Variants in PHKA2 observed in about 807,000 individuals in gnomAD.
PHKA2 encodes phosphorylase kinase regulatory subunit alpha 2, also known as phosphorylase b kinase regulatory subunit alpha, liver isoform.
Under a neutral mutation model 102.0 loss-of-function variants are expected in PHKA2, and 31 were observed. That is an observed-to-expected ratio of 0.30 (90% CI 0.23 to 0.41). The LOEUF is 0.41. PHKA2 is among the 10% of genes least tolerant of loss of function. The pLI, the probability that PHKA2 is intolerant of heterozygous loss-of-function variation, is 1.00. For synonymous variants in PHKA2, 455 were observed against 416.2 expected, an observed-to-expected ratio of 1.09 and a Z score of -1.13; for missense variants, 858 against 1,023.1, an observed-to-expected ratio of 0.84 and a Z score of 2.20.
intron 21 of PHKA2, among the ~76,000 whole-genome samples, chrX:18,908,482 G>C (rs925800097): frequency 1.8e-5 from 2 of 112,448 alleles, no homozygotes; most frequent in African/African-American, 6.5e-5. Flanking sequence ...CAATTCCTAT[G>C]TTGAAATCTT....
intron 1 of PHKA2, among the ~76,000 whole-genome samples, chrX:18,974,991 T>C (rs2049066081): frequency 9.0e-6 from 1 of 110,971 alleles, no homozygotes; most frequent in Non-Finnish European, 1.9e-5. Flanking sequence ...TGTCTGTACT[T>C]GTTCCTGTGA....
chrX:18,907,108 A>G lies in PHKA2; in HGVS notation c.2518-11T>C. 1 of 1,159,015 alleles carries G rather than the reference A, an allele frequency of 8.6e-7. No homozygotes were observed. The highest frequency in any genetic ancestry group is 1.9e-5 in the South Asian group (1 of 53,015). Reference sequence around the variant, plus strand: ...CAGGTCTGTGCAGGCCTGCGCAGTTAAGGGGAAGGGTGAGAGGCAGAGCGC... The same window carrying G: ...CAGGTCTGTGCAGGCCTGCGCAGTTGAGGGGAAGGGTGAGAGGCAGAGCGC... On this transcript the variant is annotated splice_polypyrimidine_tract_variant and intron_variant, in intron 22 of 32. Coordinates refer to ENST00000379942, the MANE Select transcript of PHKA2 (RefSeq NM_000292.3).
At chrX:18,906,887 C>A in intron 23 of PHKA2, 73 bp from the exon 24 acceptor site, 1 of 1,033,170 alleles carries the variant, frequency 9.7e-7, no homozygotes, top group Non-Finnish European at 1.4e-6. Context: ...CCATGGAACA[C>A]CCTTATTTTC....
Position 18,936,157 on chromosome X carries a change from A to G in PHKA2, c.1042-7T>C, listed in dbSNP as rs1263035422. 1 of 1,139,234 alleles carries G rather than the reference A, an allele frequency of 8.8e-7. No individual in the cohort carries two copies. Among genetic ancestry groups the G allele is most frequent in the Non-Finnish European group, 1.2e-6 (1 of 832,736 alleles). 93.9% of individuals were successfully genotyped at this position (1,139,234 alleles called of 1,213,427 possible). A position where few individuals can be genotyped will look rare whatever the true frequency, so the allele number is the denominator to read the frequency against. Reference sequence around the variant, plus strand: ...CCTCTCGGTATTCTTGGACCTGGAAAACAGCCCCATCATCCATGGCAGGAA... The same window carrying G: ...CCTCTCGGTATTCTTGGACCTGGAAGACAGCCCCATCATCCATGGCAGGAA... On this transcript the variant is annotated splice_region_variant and splice_polypyrimidine_tract_variant and intron_variant, in intron 10 of 32. Coordinates refer to ENST00000379942, the MANE Select transcript of PHKA2 (RefSeq NM_000292.3).
chrX:18,965,223 C>G (rs2048921947), intron 1 of PHKA2, among the ~76,000 whole-genome samples: 1 of 111,534 alleles, frequency 9.0e-6, no homozygotes, highest in Non-Finnish European at 1.9e-5. Context: ...AATTCTTTGC[C>G]TCTCTCACTA....
chrX:18,939,919 C>T (rs2048462966), intron 9 of PHKA2, 76 bp downstream of exon 9: 11 of 703,254 alleles, frequency 1.6e-5, no homozygotes, highest in Non-Finnish European at 2.5e-5. Flanking sequence ...TTATAATCAG[C>T]AGAGGGAGAA....
intron 1 of PHKA2, among the ~76,000 whole-genome samples, chrX:18,974,171 A>G (rs1037662408): frequency 7.3e-5 from 8 of 110,254 alleles, no homozygotes; most frequent in Non-Finnish European, 1.1e-4. Context: ...TGTCTACTAG[A>G]TCATTTCCAC....
At chrX:18,924,643 C>T (rs983316558) in intron 15 of PHKA2, 118 bp from the exon 16 acceptor site, 2 of 680,557 alleles carry the variant, frequency 2.9e-6, no homozygotes, top group Non-Finnish European at 4.7e-6. Flanking sequence ...GCTCAGTACT[C>T]GTTTCAATCC....
At chrX:18,968,853 C>T (rs1601798622) in intron 1 of PHKA2, among the ~76,000 whole-genome samples, 1 of 112,535 alleles carries the variant, frequency 8.9e-6, no homozygotes, top group East Asian at 2.8e-4. Context: ...CAATGGCTCA[C>T]GCCTGTAATC....
chrX:18,912,377 AG>A (rs2047941173), intron 19 of PHKA2, among the ~76,000 whole-genome samples: 1 of 112,004 alleles, frequency 8.9e-6, no homozygotes, highest in Admixed American at 9.5e-5. Context: ...TATTGCTCCT[AG>A]GCTACAAACC....
chrX:18,929,038 G>T (rs916291620), intron 13 of PHKA2, among the ~76,000 whole-genome samples, 190 bp downstream of exon 13: 18 of 112,779 alleles, frequency 1.6e-4, no homozygotes, highest in Non-Finnish European at 1.9e-5. Flanking sequence ...AAGTCATTTT[G>T]TGGTTGGGAA....
At chrX:18,966,923 G>A in intron 1 of PHKA2, among the ~76,000 whole-genome samples, 1 of 111,731 alleles carries the variant, frequency 9.0e-6, no homozygotes, top group Non-Finnish European at 1.9e-5. Context: ...GCAGGAGGAG[G>A]GACGGCGAGG....
Position 18,899,167 on chromosome X carries a change from T to C in PHKA2, c.3111+6A>G. 8.3e-7 allele frequency: 1 copy of C among 1,205,146 alleles called. No homozygotes were observed. Among genetic ancestry groups the C allele is most frequent in the Non-Finnish European group, 1.1e-6 (1 of 889,483 alleles). ...GACGGACACAATAATCCCGAGGCAC[T>C]GTTACCGCAGACTTGGAGGAATGCG... On this transcript the variant is annotated splice_donor_region_variant and intron_variant, in intron 29 of 32. Transcript: ENST00000379942.
chrX:18,896,310 A>G (rs905040201), intron 30 of PHKA2: 4 of 111,821 alleles, frequency 3.6e-5, no homozygotes, highest in Admixed American at 2.8e-4. Flanking sequence ...GAAGGGAGAC[A>G]CTGGGGGGGT....
In PHKA2 at chrX:18,907,002, A is replaced by C; in HGVS notation, c.2597+16T>G. 8.4e-7 allele frequency: 1 copy of C among 1,184,289 alleles called. No homozygotes were observed. The highest frequency in any genetic ancestry group is 3.0e-5 in the East Asian group (1 of 33,053). On this transcript the variant is annotated intron_variant, in intron 23 of 32. Transcript: ENST00000379942. The stretch of plus-strand genomic sequence containing the variant: ...GCTCCCCCGCAAACCTGAGGTCCCC[A>C]AGGCTGAGGACTTACGCAGAGATGA...
chrX:18,911,393 G>A (rs2047924313), intron 19 of PHKA2, among the ~76,000 whole-genome samples: 1 of 110,993 alleles, frequency 9.0e-6, no homozygotes, highest in Non-Finnish European at 1.9e-5. Flanking sequence ...GGCTGATCTC[G>A]AACTCCCGAC....
chrX:18,934,139 A>G (rs966878871), intron 11 of PHKA2, among the ~76,000 whole-genome samples: 3 of 112,042 alleles, frequency 2.7e-5, no homozygotes, highest in Non-Finnish European at 5.6e-5. Context: ...GAAGCGGGAT[A>G]TGAACATGTA....
chrX:18,928,967 G>T (rs981548609), intron 13 of PHKA2, among the ~76,000 whole-genome samples: 1 of 112,545 alleles, frequency 8.9e-6, no homozygotes, highest in Non-Finnish European at 1.9e-5. Flanking sequence ...GACGCGCAAC[G>T]AATCACTTGT....
intron 18 of PHKA2, 53 bp downstream of exon 18, chrX:18,919,979 C>T (rs2048088240): frequency 1.0e-6 from 1 of 988,116 alleles, no homozygotes; most frequent in Admixed American, 2.2e-5. Context: ...TATCACAATG[C>T]TAAAGTTTAA....
Sources: allele counts gnomAD v4.1 joint callset (sites outside exome capture counted in the v4.1 genomes callset), GRCh38; gene constraint gnomAD v4.1.1; transcripts MANE v1.5; gene names NCBI Gene and HGNC (gene_info 2026-07-23, HGNC 2026-07-21).